GVQW3: variants seen among roughly 807,000 people sequenced by gnomAD.
GVQW3 encodes the protein protein GVQW3.
In GVQW3, 7 loss-of-function variants were observed where a neutral mutation model predicts 12.5. The ratio of observed to expected loss-of-function variants is 0.56; its 90% CI spans 0.32 to 1.05. The LOEUF (loss-of-function observed/expected upper bound fraction) is 1.05. Ranked by LOEUF, GVQW3 falls within the 50% of genes least tolerant of loss-of-function variation. The pLI is 0.04. For synonymous variants in GVQW3, 71 were observed against 67.2 expected (o/e 1.06, Z -0.28); for missense variants, 188 against 190.8 (o/e 0.99, Z 0.09).
At chr11:76,401,906 T>C (rs1330551272) in intron 1 of GVQW3, among the ~76,000 whole-genome samples, 4 of 152,206 alleles carry the variant, frequency 2.6e-5, no homozygotes, top group Admixed American at 6.5e-5. Context: ...CTATTTCTTG[T>C]AAATGCTATT....
Position 76,400,259 on chromosome 11 carries a change from C to T in GVQW3, c.466-3401C>T, listed in dbSNP as rs1946976946. Among the ~76,000 whole-genome samples, 4 of 151,706 alleles carry T rather than the reference C, an allele frequency of 2.6e-5. No homozygotes were observed. In the South Asian group the frequency reaches 8.3e-4, roughly 32 times the overall value. ...TCCCAAGTAGCTGGGATTACGGGCG[C>T]CTGCCACCACACCCAGCTAATTTTT... On this transcript the variant is annotated intron_variant, in intron 1 of 1. Coordinates refer to ENST00000529331, the MANE Select transcript of GVQW3 (RefSeq NM_001347885.2).
At chr11:76,401,125 A>G (rs747858808) in intron 1 of GVQW3, among the ~76,000 whole-genome samples, 19 of 151,832 alleles carry the variant, frequency 1.3e-4, no homozygotes, top group Non-Finnish European at 2.1e-4. Context: ...TGCCCACCTC[A>G]GCCTCCCAAA....
chr11:76,390,340 C>A (rs1183368259), intron 1 of GVQW3, among the ~76,000 whole-genome samples: 2 of 152,122 alleles, frequency 1.3e-5, no homozygotes, highest in Admixed American at 1.3e-4. Context: ...TTCATTTGTA[C>A]CCTCTAAGGT....
intron 1 of GVQW3, chr11:76,395,082 A>G (rs1481599098): frequency 1.3e-5 from 2 of 152,236 alleles, no homozygotes; most frequent in Non-Finnish European, 2.9e-5. Flanking sequence ...TGCTCAATAA[A>G]TGTTTGATAG....
chr11:76,411,591 C>T (rs1356052736), downstream of GVQW3: 1 of 152,162 alleles, frequency 6.6e-6, no homozygotes, highest in Non-Finnish European at 1.5e-5. Flanking sequence ...TATACTTCAT[C>T]AAGGGTTAAC....
rs1478044584 is a variant in GVQW3, at chr11:76,408,046, T to TA, written c.*4290dup. On this transcript the variant is annotated 3_prime_UTR_variant, in exon 2 of 2. Coordinates refer to ENST00000529331, the MANE Select transcript of GVQW3 (RefSeq NM_001347885.2). Reference sequence around the variant, plus strand: ...TTGCTTCATTATGCTTTTATATATATAATTTTTCTTATTATAACAATAAAT... The same window carrying TA: ...TTGCTTCATTATGCTTTTATATATATAAATTTTTCTTATTATAACAATAAAT... 6.6e-6 allele frequency: 1 copy of TA among 152,128 alleles called. No individual in the cohort carries two copies. 9.4% of individuals were successfully genotyped at this position (152,128 alleles called of 1,614,324 possible). A position where few individuals can be genotyped will look rare whatever the true frequency, so the allele number is the denominator to read the frequency against.
chr11:76,399,623 A>G (rs1946969933), intron 1 of GVQW3, among the ~76,000 whole-genome samples: 1 of 152,186 alleles, frequency 6.6e-6, no homozygotes, highest in South Asian at 2.1e-4. Context: ...CAATAGACTG[A>G]GTAAAGCAGA....
intron 1 of GVQW3, chr11:76,382,669 T>A: frequency 2.0e-6 from 1 of 498,050 alleles, no homozygotes. Flanking sequence ...GGTATTTGCT[T>A]GTTCTTGATT....
intron 1 of GVQW3, among the ~76,000 whole-genome samples, chr11:76,391,703 C>T (rs1446358175): frequency 6.6e-6 from 1 of 152,162 alleles, no homozygotes; most frequent in Non-Finnish European, 1.5e-5. Flanking sequence ...CCTGTAATCT[C>T]AGCACTTTGG....
Position 76,405,678 on chromosome 11 carries a change from A to T in GVQW3, c.*1920A>T, listed in dbSNP as rs1370771359. The T allele has an allele frequency of 6.6e-6, 1 of 152,340 alleles. No homozygotes were observed. Among genetic ancestry groups the T allele is most frequent in the Non-Finnish European group, 1.5e-5 (1 of 68,160 alleles). The allele number at this position is 152,340 out of a possible 1,614,324, so 9.4% of individuals were successfully genotyped here. A position where few individuals can be genotyped will look rare whatever the true frequency, so the allele number is the denominator to read the frequency against. ...CTTGATGAAGAAAGAATAGGGAAGG[A>T]GATCAGATCAGTACTGTTGTCCAGG... On this transcript the variant is annotated 3_prime_UTR_variant, in exon 2 of 2. Coordinates refer to ENST00000529331, the MANE Select transcript of GVQW3 (RefSeq NM_001347885.2).
chr11:76,413,849 A>AG (rs1246541072), exon 2 of GVQW3: 1 of 151,434 alleles, frequency 6.6e-6, no homozygotes, highest in Non-Finnish European at 1.5e-5. Context: ...AATGATGCAA[A>AG]AAAAAATACC....
chr11:76,385,802 T>C (rs1022724687), intron 1 of GVQW3, among the ~76,000 whole-genome samples: 1 of 152,170 alleles, frequency 6.6e-6, no homozygotes, highest in Non-Finnish European at 1.5e-5. Context: ...CTAAGGGACA[T>C]GGGCACCTTA....
Position 76,403,671 on chromosome 11 carries a change from C to T in GVQW3, c.477C>T (p.Leu159=). The T allele has an allele frequency of 2.2e-6, 1 of 456,008 alleles. No individual in the cohort carries two copies. The highest frequency in any genetic ancestry group is 3.9e-6 in the Non-Finnish European group (1 of 256,742). The allele number at this position is 456,008 out of a possible 1,614,324, so 28.2% of individuals were successfully genotyped here. Residue 159 remains leucine, a synonymous_variant, in exon 2 of 2, where the codon CTC becomes CTT. Coordinates refer to ENST00000529331, the MANE Select transcript of GVQW3 (RefSeq NM_001347885.2). ...TTTATTTTTTGTAGAGACGGAACCT[C>T]ACTATGTTGCCCAGGCTGGTCTCGA... ...SSCLRKKRRN[L]TMLPRLVSNS...
At chr11:76,413,810 T>C (rs533422235) in exon 2 of GVQW3, 2 of 149,334 alleles carry the variant, frequency 1.3e-5, no homozygotes, top group Non-Finnish European at 3.0e-5. Flanking sequence ...GAAACTTTTG[T>C]TTTTGTCCAG....
chr11:76,382,639 A>T, intron 1 of GVQW3: 1 of 513,676 alleles, frequency 1.9e-6, no homozygotes. Flanking sequence ...ACTTTGAAAA[A>T]CTTTTGGCTG....
At chr11:76,413,621 G>A (rs541477962) in exon 2 of GVQW3, 7 of 152,272 alleles carry the variant, frequency 4.6e-5, no homozygotes, top group African/African-American at 1.7e-4. Flanking sequence ...ACCCTTGAGG[G>A]GCTGACCTAG....
At chr11:76,387,297 G>A (rs1208069649) in intron 1 of GVQW3, among the ~76,000 whole-genome samples, 1 of 152,104 alleles carries the variant, frequency 6.6e-6, no homozygotes, top group Non-Finnish European at 1.5e-5. Context: ...TTAGCCGGGC[G>A]TGGTGGTGTG....
rs1226856286 is a variant in GVQW3 at position 76,405,738 on chromosome 11, C to T, written c.*1980C>T. The stretch of plus-strand genomic sequence containing the variant: ...AGTTGATTGTAGCTCACTGCAGCCT[C>T]CAACTCCATGGCTCAAGTGATCCTC... On this transcript the variant is annotated 3_prime_UTR_variant, in exon 2 of 2. Transcript: ENST00000529331. 2 of 152,608 alleles carry T rather than the reference C, an allele frequency of 1.3e-5. No individual in the cohort carries two copies. Among genetic ancestry groups the T allele is most frequent in the Non-Finnish European group, 1.5e-5 (1 of 68,380 alleles). The allele number at this position is 152,608 out of a possible 1,614,324, so 9.5% of individuals were successfully genotyped here.
chr11:76,382,324 C>T (rs1468832925), intron 1 of GVQW3, 31 bp downstream of exon 1: 4 of 1,357,700 alleles, frequency 2.9e-6, no homozygotes, highest in East Asian at 2.5e-5. Flanking sequence ...GAGTTATCTC[C>T]AGGGTGAAGC....
Sources: allele counts gnomAD v4.1 joint callset (sites outside exome capture counted in the v4.1 genomes callset), GRCh38; gene constraint gnomAD v4.1.1; transcripts MANE v1.5; gene names NCBI Gene and HGNC (gene_info 2026-07-23, HGNC 2026-07-21).